CDKL5: variants seen among roughly 807,000 people sequenced by gnomAD.
CDKL5 encodes cyclin dependent kinase like 5.
A neutral mutation model predicts 61.7 loss-of-function variants in CDKL5; 8 were observed. The observed-to-expected ratio is 0.13, with a 90% CI of 0.08 to 0.23. The LOEUF (loss-of-function observed/expected upper bound fraction) is 0.23, where lower values mean the gene tolerates loss of function less well. CDKL5 is among the 10% of genes least tolerant of loss of function. CDKL5 has a pLI of 1.00. For synonymous variants in CDKL5, 275 were observed against 272.3 expected (o/e 1.01, Z -0.10); for missense variants, 440 against 734.5 (o/e 0.60, Z 4.63).
At chrX:18,482,045 A>G (rs1000952636) in intron 1 of CDKL5, among the ~76,000 whole-genome samples, 1 of 111,212 alleles carries the variant, frequency 9.0e-6, no homozygotes, top group African/African-American at 3.3e-5. Flanking sequence ...AATTTTTCCA[A>G]CTTGGTCTTT....
In CDKL5 at chrX:18,518,154, C is replaced by CT. The variant is rs964190702; in HGVS notation, c.99+7310dup. ...AGCATTTTAATTTAAAAAAAATCAA[C>CT]TTTTTTTTTTGTTTTTAAAGTTACT... On this transcript the variant is annotated intron_variant, in intron 3 of 17. Coordinates refer to ENST00000623535, the MANE Select transcript of CDKL5 (RefSeq NM_001323289.2). 5.6e-4 allele frequency among the ~76,000 whole-genome samples: 59 copies of CT among 105,714 alleles called. 1 individual carries two copies. Among genetic ancestry groups the CT allele is most frequent in the East Asian group, 2.3e-3 (8 of 3,417 alleles). 91.8% of individuals were successfully genotyped at this position (105,714 alleles called of 115,157 possible).
chrX:18,628,840 C>T lies in CDKL5; in HGVS notation c.*83C>T, dbSNP rs755885522. On this transcript the variant is annotated 3_prime_UTR_variant, in exon 18 of 18. Coordinates refer to ENST00000623535, the MANE Select transcript of CDKL5 (RefSeq NM_001323289.2). ...GGTGGGCTGGGCTTGGGGCATGGGC[C>T]GGGCCAAGTGGTGAGCCAATATTTT... 10 of 1,082,620 alleles carry T rather than the reference C, an allele frequency of 9.2e-6. No homozygotes were observed. Among genetic ancestry groups the T allele is most frequent in the East Asian group, 3.3e-5 (1 of 29,958 alleles). 89.2% of individuals were successfully genotyped at this position (1,082,620 alleles called of 1,213,427 possible).
intron 3 of CDKL5, among the ~76,000 whole-genome samples, chrX:18,558,326 G>A (rs1038289085): frequency 3.6e-5 from 4 of 111,842 alleles, no homozygotes; most frequent in Admixed American, 2.9e-4. Flanking sequence ...TGCAGACGTT[G>A]TGGGGGCAAT....
intron 12 of CDKL5, among the ~76,000 whole-genome samples, chrX:18,608,596 TAAC>T (rs771345290): frequency 3.6e-5 from 4 of 111,840 alleles, no homozygotes; most frequent in Non-Finnish European, 5.6e-5. Context: ...CTGCTTGCCT[TAAC>T]TTTAATGAGA....
chrX:18,509,218 C>CACAT (rs1394342580), intron 2 of CDKL5, among the ~76,000 whole-genome samples: 1 of 105,173 alleles, frequency 9.5e-6, no homozygotes, highest in Admixed American at 1.1e-4. Flanking sequence ...CACACACACA[C>CACAT]ACACACACAC....
At chrX:18,449,949 C>A (rs1017492785) in intron 1 of CDKL5, among the ~76,000 whole-genome samples, 1 of 111,587 alleles carries the variant, frequency 9.0e-6, no homozygotes, top group African/African-American at 3.3e-5. Flanking sequence ...CGCATGCCAC[C>A]ACGCGCAGCT....
At chrX:18,616,567 G>A (rs1926720659) in intron 15 of CDKL5, among the ~76,000 whole-genome samples, 1 of 108,747 alleles carries the variant, frequency 9.2e-6, no homozygotes, top group African/African-American at 3.4e-5. Flanking sequence ...GGAGGTTGCG[G>A]TGAGCCGACA....
intron 1 of CDKL5, among the ~76,000 whole-genome samples, chrX:18,488,987 T>C (rs939461228): frequency 1.8e-5 from 2 of 111,801 alleles, no homozygotes; most frequent in Admixed American, 1.9e-4. Context: ...CCCTGAAATA[T>C]ATTTCTCTAT....
At chrX:18,547,518 A>G (rs1286837352) in intron 3 of CDKL5, among the ~76,000 whole-genome samples, 2 of 112,484 alleles carry the variant, frequency 1.8e-5, no homozygotes, top group Admixed American at 1.9e-4. Flanking sequence ...AAGTAACCAG[A>G]CACAAACATT....
intron 3 of CDKL5, among the ~76,000 whole-genome samples, chrX:18,557,361 G>A (rs973488616): frequency 3.6e-5 from 4 of 111,875 alleles, no homozygotes; most frequent in African/African-American, 1.3e-4. Flanking sequence ...GTATATAGGC[G>A]AATGTGCATA....
Position 18,619,897 on chromosome X carries a change from G to A in CDKL5, c.2307G>A (p.Glu769=). Residue 769 remains glutamate (E), a synonymous_variant, in exon 16 of 18, where the codon GAG becomes GAA. Coordinates refer to ENST00000623535, the MANE Select transcript of CDKL5 (RefSeq NM_001323289.2). ...WKSPENISHS[E]QLKEKEKQGF... is the part of the protein sequence containing the mutation. The stretch of plus-strand genomic sequence containing the variant: ...GTCCTGAAAATATTAGTCATTCAGA[G>A]CAACTCAAGGAAAAAGAGAAGCAAG... The A allele has an allele frequency of 8.3e-7, 1 of 1,198,274 alleles. No homozygotes were observed. The highest frequency in any genetic ancestry group is 1.1e-6 in the Non-Finnish European group (1 of 884,207).
At chrX:18,490,636 AAAG>A (rs1192748873) in intron 1 of CDKL5, among the ~76,000 whole-genome samples, 2 of 111,532 alleles carry the variant, frequency 1.8e-5, no homozygotes, top group Non-Finnish European at 3.8e-5. Flanking sequence ...TCTTTGAGGG[AAAG>A]AATCTATCTT....
intron 3 of CDKL5, among the ~76,000 whole-genome samples, chrX:18,531,808 G>T (rs1303908146): frequency 9.3e-6 from 1 of 107,635 alleles, no homozygotes; most frequent in African/African-American, 3.5e-5. Context: ...CCGGGTTCAC[G>T]CCATTCTCCT....
chrX:18,435,652 C>T (rs949204192), intron 1 of CDKL5, among the ~76,000 whole-genome samples: 2 of 111,334 alleles, frequency 1.8e-5, no homozygotes, highest in African/African-American at 3.3e-5. Context: ...CTGCCACCTC[C>T]GCCTCTTGGG....
intron 3 of CDKL5, among the ~76,000 whole-genome samples, chrX:18,511,433 TAGATCAACAGTGGAC>T (rs1311795978): frequency 2.7e-5 from 3 of 110,932 alleles, no homozygotes; most frequent in Non-Finnish European, 5.7e-5. Context: ...TAATGACATT[TAGATCAACAGTGGAC>T]AGCATGTATG....
chrX:18,610,277 C>A (rs1054534344), intron 14 of CDKL5, among the ~76,000 whole-genome samples: 3 of 112,585 alleles, frequency 2.7e-5, no homozygotes, highest in African/African-American at 9.7e-5. Context: ...ACAGGCTGTG[C>A]CCTCCTCTGG....
chrX:18,444,365 T>C (rs1931825099), intron 1 of CDKL5, among the ~76,000 whole-genome samples: 1 of 112,161 alleles, frequency 8.9e-6, no homozygotes, highest in African/African-American at 3.2e-5. Flanking sequence ...CCTCTTTGGC[T>C]GTGCAGTTAA....
At chrX:18,593,387 T>C (rs1925889365) in intron 9 of CDKL5, among the ~76,000 whole-genome samples, 1 of 112,138 alleles carries the variant, frequency 8.9e-6, no homozygotes, top group African/African-American at 3.2e-5. Flanking sequence ...TTCTTATCAA[T>C]GAAATTTCAC....
At chrX:18,650,362 CCT>C (rs1355614575) in intron 20 of CDKL5, 1 of 1,157,867 alleles carries the variant, frequency 8.6e-7, no homozygotes, top group Non-Finnish European at 1.2e-6. Context: ...CCGATGCCTG[CCT>C]CCCGGGCCCC....
Sources: allele counts gnomAD v4.1 joint callset (sites outside exome capture counted in the v4.1 genomes callset), GRCh38; gene constraint gnomAD v4.1.1; transcripts MANE v1.5; gene names NCBI Gene and HGNC (gene_info 2026-07-23, HGNC 2026-07-21).